SLC22A23: variants seen among roughly 807,000 people sequenced by gnomAD.
The protein encoded by SLC22A23 is ion transporter protein.
SLC22A23 carries 26 observed loss-of-function variants against 61.0 expected under a neutral mutation model. The observed-to-expected ratio is 0.43, with a 90% CI of 0.31 to 0.59. SLC22A23 has a LOEUF of 0.59. SLC22A23 is among the 20% of genes least tolerant of loss of function. The pLI, the probability that SLC22A23 is intolerant of heterozygous loss-of-function variation, is 0.11. For synonymous variants in SLC22A23, 430 were observed against 413.9 expected, an observed-to-expected ratio of 1.04 and a Z score of -0.47; for missense variants, 796 against 934.7, an observed-to-expected ratio of 0.85 and a Z score of 1.94.
At chr6:3,319,941 G>A (rs11242844) in intron 4 of SLC22A23, among the ~76,000 whole-genome samples, 37,239 of 152,120 alleles carry the variant, frequency 0.24, 5,723 homozygotes, top group East Asian at 0.53. Context: ...TTCTGCCCAC[G>A]GTCCAAGGCA....
At position 3,360,013 on chromosome 6, in the gene SLC22A23, A is replaced by C. The variant is rs1765338098; in HGVS notation, c.914-36011T>G. Among the ~76,000 whole-genome samples, 1 of 152,210 alleles carries C rather than the reference A, an allele frequency of 6.6e-6. No individual in the cohort carries two copies. Reference sequence around the variant, plus strand: ...ATGCTAAGTGAAGTAAGCCAGTCACAAAAGGACAAATATTGCATGATCCAC... The same window carrying C: ...ATGCTAAGTGAAGTAAGCCAGTCACCAAAGGACAAATATTGCATGATCCAC... On this transcript the variant is annotated intron_variant, in intron 3 of 9. Transcript: ENST00000406686. This position sits in a 1 kb window ranked among gnomAD's most constrained non-coding sequence, Gnocchi z 4.6.
chr6:3,371,473 T>C (rs1342091344), intron 3 of SLC22A23, among the ~76,000 whole-genome samples: 3 of 152,234 alleles, frequency 2.0e-5, no homozygotes, highest in African/African-American at 7.2e-5. Context: ...AAACCATTCA[T>C]AGCTTGCAGG....
chr6:3,420,631 T>C (rs1770060953), intron 1 of SLC22A23, among the ~76,000 whole-genome samples: 1 of 152,064 alleles, frequency 6.6e-6, no homozygotes, highest in Non-Finnish European at 1.5e-5. Flanking sequence ...TTAATTACTA[T>C]TTTAAAAATC....
chr6:3,375,520 C>CTAG (rs1766509353), intron 3 of SLC22A23, among the ~76,000 whole-genome samples: 1 of 152,182 alleles, frequency 6.6e-6, no homozygotes, highest in Admixed American at 6.5e-5. Context: ...GGCCAGTGGG[C>CTAG]TAGTGCTGAG....
chr6:3,444,412 G>A (rs576754172), intron 1 of SLC22A23, among the ~76,000 whole-genome samples: 2 of 152,288 alleles, frequency 1.3e-5, no homozygotes, highest in Middle Eastern at 3.4e-3. Context: ...TTGCCCCTAC[G>A]TTTGCTCTCT....
At chr6:3,303,721 G>A (rs1445722436) in intron 4 of SLC22A23, among the ~76,000 whole-genome samples, 4 of 152,156 alleles carry the variant, frequency 2.6e-5, no homozygotes, top group African/African-American at 9.7e-5. Flanking sequence ...GGAGAAATAG[G>A]GAGAGATTGA....
At position 3,421,931 on chromosome 6, in the gene SLC22A23, A is replaced by C. The variant is rs147456984; in HGVS notation, c.655-6076T>G. On this transcript the variant is annotated intron_variant, in intron 1 of 9. Coordinates refer to ENST00000406686, the MANE Select transcript of SLC22A23 (RefSeq NM_015482.2). ...AGGTTAAGCACGTTAATGCTCACTG[A>C]CTAAAGCGAAAAGTGTTTTTTAGGG... is the stretch of plus-strand genomic sequence containing the variant. Among the ~76,000 whole-genome samples, 26 of 152,334 alleles carry C rather than the reference A, an allele frequency of 1.7e-4. No individual in the cohort carries two copies. The East Asian group carries it at 2.1e-3, about 12-fold the overall frequency.
intron 5 of SLC22A23, among the ~76,000 whole-genome samples, chr6:3,296,553 AATGTGAGTGCC>A (rs1360236116): frequency 6.6e-6 from 1 of 152,198 alleles, no homozygotes; most frequent in African/African-American, 2.4e-5. Context: ...AAGGAGCTGA[AATGTGAGTGCC>A]ATGTGAGTGT....
chr6:3,365,325 A>AAAAC (rs746942908), intron 3 of SLC22A23, among the ~76,000 whole-genome samples: 15 of 152,290 alleles, frequency 9.8e-5, no homozygotes, highest in South Asian at 2.1e-4. Context: ...CTGTCTCGAA[A>AAAAC]AAACAAACAA....
chr6:3,337,289 CTA>C (rs1763911473), intron 3 of SLC22A23, among the ~76,000 whole-genome samples: 1 of 152,174 alleles, frequency 6.6e-6, no homozygotes, highest in Admixed American at 6.5e-5. Context: ...CACTCAGTGA[CTA>C]TGTGTGCCTA....
chr6:3,355,406 C>G (rs1254197278), intron 3 of SLC22A23, among the ~76,000 whole-genome samples: 3 of 151,990 alleles, frequency 2.0e-5, no homozygotes, highest in African/African-American at 7.3e-5. Flanking sequence ...ACACCCTGTT[C>G]TATGCAACAA....
chr6:3,424,402 G>A (rs1770345350), intron 1 of SLC22A23, among the ~76,000 whole-genome samples: 2 of 152,206 alleles, frequency 1.3e-5, no homozygotes, highest in Admixed American at 6.5e-5. Flanking sequence ...CCGATTTTCT[G>A]TACTGCACGC....
intron 5 of SLC22A23, chr6:3,292,007 G>A (rs1424084237): frequency 1.3e-5 from 2 of 151,000 alleles, no homozygotes; most frequent in African/African-American, 5.0e-5. Context: ...GTAGTCTGCA[G>A]AGGTAACTGA....
At chr6:3,348,461 GTTTC>G (rs1764571854) in intron 3 of SLC22A23, among the ~76,000 whole-genome samples, 1 of 152,184 alleles carries the variant, frequency 6.6e-6, no homozygotes. Flanking sequence ...CTTGCTCTCA[GTTTC>G]TTTATTTAGC....
rs1366142357 is a variant in SLC22A23, at chr6:3,444,755, G to C, written c.654+11151C>G. 3.1e-6 allele frequency: 3 copies of C among 969,372 alleles called. No individual in the cohort carries two copies. In the African/African-American group the frequency reaches 5.3e-5, roughly 17 times the overall value. 60.0% of individuals were successfully genotyped at this position (969,372 alleles called of 1,614,324 possible). A position where few individuals can be genotyped will look rare whatever the true frequency, so the allele number is the denominator to read the frequency against. On this transcript the variant is annotated intron_variant, in intron 1 of 9. Transcript: ENST00000406686. ...AACTTAGACACATAAACCCTGTAGA[G>C]GGTGCTTTTTGGTGGGGCTCCTCCC...
chr6:3,323,710 C>A, intron 4 of SLC22A23, 124 bp downstream of exon 4: 1 of 1,162,162 alleles, frequency 8.6e-7, no homozygotes, highest in East Asian at 2.6e-5. Flanking sequence ...GGAAAACCTT[C>A]TCAGACAGAA....
Position 3,386,921 on chromosome 6 carries a change from C to T in SLC22A23, c.913+23267G>A, listed in dbSNP as rs572442057. Among the ~76,000 whole-genome samples the T allele has an allele frequency of 6.6e-6, 1 of 152,260 alleles. No homozygotes were observed. The highest frequency in any genetic ancestry group is 2.4e-5 in the African/African-American group (1 of 41,474). On this transcript the variant is annotated intron_variant, in intron 3 of 9. Transcript: ENST00000406686. This position sits in a 1 kb window ranked among gnomAD's most constrained non-coding sequence, Gnocchi z 4.4. Reference sequence around the variant, plus strand: ...CAGCAGGCCTTTCTCTGGTTCGTCACTCAGACCACCACTCCAGCCTTTGAA... The same window carrying T: ...CAGCAGGCCTTTCTCTGGTTCGTCATTCAGACCACCACTCCAGCCTTTGAA...
At chr6:3,299,466 C>T (rs368041358) in intron 4 of SLC22A23, among the ~76,000 whole-genome samples, 147 of 152,330 alleles carry the variant, frequency 9.7e-4, no homozygotes, top group Middle Eastern at 3.4e-3. Context: ...GATGCCACAA[C>T]GCAGTGGTTT....
intron 4 of SLC22A23, among the ~76,000 whole-genome samples, chr6:3,319,608 C>T (rs928553710): frequency 1.3e-5 from 2 of 152,190 alleles, no homozygotes; most frequent in African/African-American, 4.8e-5. Flanking sequence ...TTAACAAATA[C>T]CAGCTCGCTT....
Sources: allele counts gnomAD v4.1 joint callset (sites outside exome capture counted in the v4.1 genomes callset), GRCh38; gene constraint gnomAD v4.1.1; non-coding constraint Gnocchi (gnomAD v3.1); transcripts MANE v1.5; gene names NCBI Gene and HGNC (gene_info 2026-07-23, HGNC 2026-07-21).